Variants in KLHL29 observed in about 807,000 individuals in gnomAD.
The protein encoded by KLHL29 is kelch like family member 29, also known as kelch-like protein 29.
Under a neutral mutation model 80.4 loss-of-function variants are expected in KLHL29, and 21 were observed. The observed-to-expected ratio is 0.26, with a 90% confidence interval of 0.19 to 0.38. KLHL29 has a LOEUF of 0.38. KLHL29 is among the 10% of genes least tolerant of loss of function. The probability of loss-of-function intolerance (pLI) is 1.00; values close to 1 mark genes in which losing one functional copy is unlikely to be tolerated. For missense variants in KLHL29, 867 were observed against 1,223.9 expected, an observed-to-expected ratio of 0.71 and a Z score of 4.35; for synonymous variants, 511 against 526.8, an observed-to-expected ratio of 0.97 and a Z score of 0.41.
intron 1 of KLHL29, among the ~76,000 whole-genome samples, chr2:23,450,069 C>T (rs929855274): frequency 4.6e-5 from 7 of 152,276 alleles, no homozygotes; most frequent in South Asian, 4.2e-4. Flanking sequence ...GCGGCAAGCT[C>T]GATCGCCAAT....
chr2:23,654,084 T>C (rs999572814), intron 5 of KLHL29, among the ~76,000 whole-genome samples: 4 of 152,040 alleles, frequency 2.6e-5, no homozygotes, highest in African/African-American at 7.2e-5. Flanking sequence ...CGAGAATCGC[T>C]TGAACCCAGG....
At position 23,405,195 on chromosome 2, in the gene KLHL29, A is replaced by G. The variant is rs183443406; in HGVS notation, c.-154+19415A>G. 1.4e-3 allele frequency among the ~76,000 whole-genome samples: 211 copies of G among 152,286 alleles called. 1 individual carries two copies. The highest frequency in any genetic ancestry group is 4.9e-3 in the African/African-American group (203 of 41,526). ...ATAACAAATATTCTAATTTTGTTCA[A>G]TCCATACCAATATTGTTTGGATTAT... is the stretch of plus-strand genomic sequence containing the variant. On this transcript the variant is annotated intron_variant, in intron 1 of 13. Transcript: ENST00000486442.
Position 23,647,017 on chromosome 2 carries a change from G to A in KLHL29, c.940+4167G>A, listed in dbSNP as rs989234608. ...GAGAGTTCAGCAGAGAAGGAGGCTA[G>A]GGAAGGGGCAGAAGGCCAGGCCCTC... On this transcript the variant is annotated intron_variant, in intron 5 of 13. Transcript: ENST00000486442. The surrounding 1 kb of genome is among the most constrained non-coding windows in gnomAD (Gnocchi z 4.9). Among the ~76,000 whole-genome samples the A allele has an allele frequency of 3.9e-5, 6 of 152,238 alleles. No individual in the cohort carries two copies. Among genetic ancestry groups the A allele is most frequent in the African/African-American group, 1.4e-4 (6 of 41,472 alleles).
chr2:23,388,232 AG>A (rs1268111722), intron 1 of KLHL29, among the ~76,000 whole-genome samples: 1 of 152,202 alleles, frequency 6.6e-6, no homozygotes, highest in African/African-American at 2.4e-5. Context: ...GGTTTGTGGG[AG>A]GTTTATTGAA....
At chr2:23,651,716 T>A (rs1329707158) in intron 5 of KLHL29, among the ~76,000 whole-genome samples, 3 of 152,156 alleles carry the variant, frequency 2.0e-5, no homozygotes, top group Non-Finnish European at 4.4e-5. Context: ...CAGAAATGTA[T>A]TTTCTCACAG....
At chr2:23,605,892 C>T (rs1668708952) in intron 3 of KLHL29, among the ~76,000 whole-genome samples, 1 of 151,968 alleles carries the variant, frequency 6.6e-6, no homozygotes, top group African/African-American at 2.4e-5. Flanking sequence ...GTCTCAGCCT[C>T]CCAAGTAGCT....
Position 23,503,293 on chromosome 2 carries a change from C to G in KLHL29, c.-46+27626C>G, listed in dbSNP as rs1458515362. 2.0e-5 allele frequency among the ~76,000 whole-genome samples: 3 copies of G among 152,178 alleles called. No homozygotes were observed. Among genetic ancestry groups the G allele is most frequent in the African/African-American group, 7.2e-5 (3 of 41,428 alleles). On this transcript the variant is annotated intron_variant, in intron 2 of 13. Transcript: ENST00000486442. This position sits in a 1 kb window ranked among gnomAD's most constrained non-coding sequence, Gnocchi z 4.0. ...GCTCTGACCTTTGACAAATCATTCCCTTGCCTGTGTCTCGGTTGCCCCATC... is the reference window on the plus strand; with the variant it reads ...GCTCTGACCTTTGACAAATCATTCCGTTGCCTGTGTCTCGGTTGCCCCATC...
chr2:23,433,103 G>A (rs1044241602), intron 1 of KLHL29, among the ~76,000 whole-genome samples: 2 of 152,186 alleles, frequency 1.3e-5, no homozygotes, highest in South Asian at 2.1e-4. Flanking sequence ...CCGTCTGGCC[G>A]GTGCCCCTTC....
At chr2:23,476,215 G>GCTTT in intron 2 of KLHL29, among the ~76,000 whole-genome samples, 1 of 152,016 alleles carries the variant, frequency 6.6e-6, no homozygotes, top group Non-Finnish European at 1.5e-5. Context: ...CTGGGTCTTG[G>GCTTT]CTTTCCCCAG....
At chr2:23,641,247 G>C (rs1176413237) in intron 4 of KLHL29, among the ~76,000 whole-genome samples, 2 of 152,192 alleles carry the variant, frequency 1.3e-5, no homozygotes, top group Non-Finnish European at 2.9e-5. Context: ...CTCAAGAGAT[G>C]TATCTGGACC....
chr2:23,554,645 T>C (rs190719652), intron 2 of KLHL29, among the ~76,000 whole-genome samples: 5 of 152,186 alleles, frequency 3.3e-5, no homozygotes, highest in African/African-American at 1.2e-4. Flanking sequence ...ATGGCCTCCA[T>C]CCCGCCCATG....
At chr2:23,629,055 C>T (rs1051194783) in intron 3 of KLHL29, among the ~76,000 whole-genome samples, 6 of 152,224 alleles carry the variant, frequency 3.9e-5, no homozygotes, top group Non-Finnish European at 7.3e-5. Context: ...ACCAATGCCG[C>T]GGTGACCAGA....
intron 1 of KLHL29, among the ~76,000 whole-genome samples, chr2:23,458,916 C>G (rs1328124954): frequency 6.6e-6 from 1 of 152,164 alleles, no homozygotes; most frequent in Non-Finnish European, 1.5e-5. Context: ...AGAGGAGAAA[C>G]AGGATCGGAT....
chr2:23,554,891 C>T (rs917982333), intron 2 of KLHL29, among the ~76,000 whole-genome samples: 8 of 152,122 alleles, frequency 5.3e-5, no homozygotes, highest in South Asian at 2.1e-4. Flanking sequence ...AGTCCGACAC[C>T]GCCCCCCAAC....
intron 2 of KLHL29, among the ~76,000 whole-genome samples, chr2:23,497,339 C>T (rs1329698983): frequency 6.6e-6 from 1 of 152,180 alleles, no homozygotes; most frequent in Non-Finnish European, 1.5e-5. Context: ...GACTAGAGCA[C>T]CACAGCAGGG....
intron 2 of KLHL29, among the ~76,000 whole-genome samples, chr2:23,529,799 C>T (rs1040958334): frequency 2.0e-5 from 3 of 152,156 alleles, no homozygotes; most frequent in South Asian, 4.1e-4. Context: ...GCCCGCCACC[C>T]GTCCTGAGAC....
At chr2:23,564,735 G>T (rs191202016) in intron 3 of KLHL29, among the ~76,000 whole-genome samples, 2 of 152,230 alleles carry the variant, frequency 1.3e-5, no homozygotes, top group Non-Finnish European at 2.9e-5. Flanking sequence ...CGGTTTCCCC[G>T]GTCAACAATG....
intron 2 of KLHL29, among the ~76,000 whole-genome samples, chr2:23,481,300 C>T (rs1664791725): frequency 6.6e-6 from 1 of 152,202 alleles, no homozygotes; most frequent in Non-Finnish European, 1.5e-5. Context: ...TTCATGTAGG[C>T]AACATTCCCT....
At chr2:23,469,263 A>T (rs891183312) in intron 1 of KLHL29, among the ~76,000 whole-genome samples, 1 of 152,168 alleles carries the variant, frequency 6.6e-6, no homozygotes, top group African/African-American at 2.4e-5. Flanking sequence ...CTCCCCACCC[A>T]CATGGTGACC....
Sources: allele counts gnomAD v4.1 joint callset (sites outside exome capture counted in the v4.1 genomes callset), GRCh38; gene constraint gnomAD v4.1.1; non-coding constraint Gnocchi (gnomAD v3.1); transcripts MANE v1.5; gene names NCBI Gene and HGNC (gene_info 2026-07-23, HGNC 2026-07-21).